NOL4: variants seen among roughly 807,000 people sequenced by gnomAD.
NOL4 encodes nucleolar protein 4.
A neutral mutation model predicts 75.9 loss-of-function variants in NOL4; 17 were observed. The ratio of observed to expected loss-of-function variants is 0.22; its 90% CI spans 0.15 to 0.34. The LOEUF (loss-of-function observed/expected upper bound fraction) is 0.34. Ranked by LOEUF, NOL4 falls within the 10% of genes least tolerant of loss-of-function variation. NOL4 has a pLI of 1.00. For missense variants in NOL4, 614 were observed against 793.5 expected, an observed-to-expected ratio of 0.77 and a Z score of 2.72; for synonymous variants, 292 against 289.9, an observed-to-expected ratio of 1.01 and a Z score of -0.07.
At chr18:34,201,457 T>C (rs2035738880) in intron 1 of NOL4, among the ~76,000 whole-genome samples, 1 of 151,770 alleles carries the variant, frequency 6.6e-6, no homozygotes, top group Admixed American at 6.6e-5. Context: ...TCAATGGAAA[T>C]TAATGGTAGG....
chr18:34,188,621 C>T (rs1245208134), intron 1 of NOL4, among the ~76,000 whole-genome samples: 4 of 152,150 alleles, frequency 2.6e-5, no homozygotes, highest in Non-Finnish European at 2.9e-5. Flanking sequence ...GTATTGAATA[C>T]TCTACCAATA....
At chr18:33,932,610 G>A (rs1451170526) in intron 9 of NOL4, among the ~76,000 whole-genome samples, 1 of 151,874 alleles carries the variant, frequency 6.6e-6, no homozygotes, top group East Asian at 1.9e-4. Flanking sequence ...TAAAAAATGA[G>A]GTGGTGGAAT....
chr18:33,918,515 T>C (rs900896386), intron 9 of NOL4, among the ~76,000 whole-genome samples: 11 of 152,138 alleles, frequency 7.2e-5, no homozygotes, highest in African/African-American at 1.9e-4. Context: ...AAAAGGGAAG[T>C]ATCAAATTTA....
At chr18:34,039,647 G>C (rs1451787998) in intron 5 of NOL4, among the ~76,000 whole-genome samples, 1 of 151,950 alleles carries the variant, frequency 6.6e-6, no homozygotes, top group East Asian at 1.9e-4. Flanking sequence ...TAAATTGTTA[G>C]TTCTTTTGTA....
chr18:34,066,894 G>T (rs554470006), intron 5 of NOL4, among the ~76,000 whole-genome samples: 1 of 152,038 alleles, frequency 6.6e-6, no homozygotes, highest in East Asian at 1.9e-4. Context: ...CTTTAGACTC[G>T]TTGGTAATAC....
chr18:34,207,513 T>C (rs1165233537), intron 1 of NOL4, among the ~76,000 whole-genome samples: 1 of 152,210 alleles, frequency 6.6e-6, no homozygotes, highest in Non-Finnish European at 1.5e-5. Context: ...GTGGTTTATA[T>C]CATATTTCAG....
At chr18:33,899,410 T>C (rs1408685628) in intron 9 of NOL4, among the ~76,000 whole-genome samples, 1 of 152,108 alleles carries the variant, frequency 6.6e-6, no homozygotes, top group African/African-American at 2.4e-5. Flanking sequence ...CCTCCAACTC[T>C]TTGTCTCTCA....
At position 34,224,883 on chromosome 18, in the gene NOL4, C is replaced by G. The variant is rs2037511672; in HGVS notation, c.-1630G>C. 1 of 153,340 alleles carries G rather than the reference C, an allele frequency of 6.5e-6. No homozygotes were observed. Among genetic ancestry groups the G allele is most frequent in the African/African-American group, 2.4e-5 (1 of 41,496 alleles). The allele number at this position is 153,340 out of a possible 1,614,324, so 9.5% of individuals were successfully genotyped here. ...CGGCGGCTGGAGCCGGGACTGACAG[C>G]CCGGGCGGAGCGCAGGCAGCTCCAC... On this transcript the variant is annotated 5_prime_UTR_variant, in exon 1 of 11. Transcript: ENST00000261592.
chr18:34,049,148 C>G (rs1034299222), intron 5 of NOL4, among the ~76,000 whole-genome samples: 1 of 149,180 alleles, frequency 6.7e-6, no homozygotes, highest in Non-Finnish European at 1.5e-5. Context: ...GCATCAACGT[C>G]TGGAGCCTTG....
chr18:34,054,507 T>A (rs1375273966), intron 5 of NOL4, among the ~76,000 whole-genome samples: 1 of 151,980 alleles, frequency 6.6e-6, no homozygotes, highest in Non-Finnish European at 1.5e-5. Context: ...CCTTTTTTAA[T>A]GTTAGTATAG....
chr18:33,886,432 G>A (rs200082610), intron 9 of NOL4, among the ~76,000 whole-genome samples: 16 of 151,364 alleles, frequency 1.1e-4, no homozygotes, highest in Non-Finnish European at 2.1e-4. Context: ...GGAGGCTGAG[G>A]CAGGAGAATC....
chr18:34,197,907 CAT>C (rs950506455), intron 1 of NOL4, among the ~76,000 whole-genome samples: 1 of 151,808 alleles, frequency 6.6e-6, no homozygotes, highest in Admixed American at 6.6e-5. Context: ...AAATTTTTAT[CAT>C]GTGGGTTGTT....
intron 10 of NOL4, among the ~76,000 whole-genome samples, chr18:33,882,108 G>T (rs2064321263): frequency 6.6e-6 from 1 of 152,112 alleles, no homozygotes; most frequent in Admixed American, 6.6e-5. Flanking sequence ...AACCCTAGAA[G>T]AAAACCTAGG....
chr18:33,978,003 G>A (rs953000408), intron 6 of NOL4, among the ~76,000 whole-genome samples: 1 of 152,094 alleles, frequency 6.6e-6, no homozygotes, highest in Non-Finnish European at 1.5e-5. Flanking sequence ...GGCTGGTGCT[G>A]GAACTGCATT....
chr18:33,856,982 A>T (rs11659537), intron 10 of NOL4, among the ~76,000 whole-genome samples: 23,223 of 152,012 alleles, frequency 0.15, 1,905 homozygotes, highest in Non-Finnish European at 0.18. Context: ...TGATATTTTA[A>T]GTGTTTCATC....
At chr18:33,990,656 G>A (rs910484199) in intron 6 of NOL4, among the ~76,000 whole-genome samples, 4 of 151,982 alleles carry the variant, frequency 2.6e-5, no homozygotes, top group Admixed American at 2.6e-4. Context: ...TGAAATCTGT[G>A]TTATCCAATT....
At chr18:34,217,001 CT>C (rs1000273201) in intron 1 of NOL4, among the ~76,000 whole-genome samples, 3 of 152,060 alleles carry the variant, frequency 2.0e-5, no homozygotes, top group African/African-American at 7.2e-5. Flanking sequence ...CCATATGCAA[CT>C]ATCAGTCATT....
chr18:33,875,634 A>T (rs2063898782), intron 10 of NOL4, among the ~76,000 whole-genome samples: 1 of 152,012 alleles, frequency 6.6e-6, no homozygotes, highest in Non-Finnish European at 1.5e-5. Flanking sequence ...CAGTTTAATC[A>T]TTCTCCTTGC....
chr18:34,006,916 G>GC (rs796094346), intron 6 of NOL4, among the ~76,000 whole-genome samples: 239 of 152,102 alleles, frequency 1.6e-3, no homozygotes, highest in African/African-American at 5.4e-3. Context: ...GTCTTTGATA[G>GC]CAGGATTTAT....
Sources: gnomAD v4.1 joint callset for allele counts (sites outside exome capture counted in the v4.1 genomes callset) on GRCh38, gnomAD v4.1.1 for gene constraint, MANE v1.5 for transcripts, NCBI Gene and HGNC (gene_info 2026-07-23, HGNC 2026-07-21) for gene names.